Variants in GNAQ observed in about 807,000 individuals in gnomAD.
GNAQ encodes the protein G protein subunit alpha q, also known as guanine nucleotide-binding protein G(q) subunit alpha.
Under a neutral mutation model 43.9 loss-of-function variants are expected in GNAQ, and 8 were observed. The observed-to-expected ratio is 0.18, with a 90% confidence interval of 0.11 to 0.33. The LOEUF (loss-of-function observed/expected upper bound fraction) is 0.33, where lower values mean the gene tolerates loss of function less well. Among genes scored for constraint, GNAQ ranks in the 10% least tolerant of loss-of-function variants. The probability of loss-of-function intolerance (pLI) is 1.00; values close to 1 mark genes in which losing one functional copy is unlikely to be tolerated. For synonymous variants in GNAQ, 155 were observed against 170.7 expected (o/e 0.91, Z 0.71); for missense variants, 158 against 450.8 (o/e 0.35, Z 5.88).
intron 1 of GNAQ, among the ~76,000 whole-genome samples, chr9:77,958,296 T>C (rs1823066648): frequency 6.6e-6 from 1 of 152,132 alleles, no homozygotes; most frequent in Non-Finnish European, 1.5e-5. Flanking sequence ...TGATCAGTTA[T>C]GGGCTGTGTC....
At chr9:77,857,416 T>C (rs779133017) in intron 2 of GNAQ, among the ~76,000 whole-genome samples, 6 of 151,794 alleles carry the variant, frequency 4.0e-5, no homozygotes, top group Non-Finnish European at 5.9e-5. Context: ...CCAGATCATA[T>C]GTAGTACACA....
intron 5 of GNAQ, among the ~76,000 whole-genome samples, chr9:77,785,678 TGTCA>T (rs1420371155): frequency 3.3e-5 from 5 of 152,224 alleles, no homozygotes; most frequent in South Asian, 2.1e-4. Flanking sequence ...ATAACAATAC[TGTCA>T]GTATCTGACA....
At chr9:77,929,442 T>C (rs981703576) in intron 1 of GNAQ, among the ~76,000 whole-genome samples, 86 of 152,244 alleles carry the variant, frequency 5.6e-4, no homozygotes, top group Non-Finnish European at 1.5e-4. Context: ...ATATTTGTTA[T>C]AGAAAATTAT....
At chr9:77,942,617 G>T (rs1173623323) in intron 1 of GNAQ, among the ~76,000 whole-genome samples, 1 of 152,094 alleles carries the variant, frequency 6.6e-6, no homozygotes, top group Non-Finnish European at 1.5e-5. Flanking sequence ...TCACCAAAAA[G>T]TAGAAAATCA....
intron 5 of GNAQ, among the ~76,000 whole-genome samples, chr9:77,768,552 C>G (rs1288907868): frequency 1.3e-5 from 2 of 152,182 alleles, no homozygotes; most frequent in East Asian, 1.9e-4. Flanking sequence ...ACAAGATGCA[C>G]TACCATCTTG....
At chr9:77,839,051 T>C (rs941016021) in intron 2 of GNAQ, among the ~76,000 whole-genome samples, 1 of 152,060 alleles carries the variant, frequency 6.6e-6, no homozygotes, top group African/African-American at 2.4e-5. Context: ...ACTGGCTGGG[T>C]TGGGAACTGC....
intron 2 of GNAQ, among the ~76,000 whole-genome samples, chr9:77,909,075 T>C (rs1265737308): frequency 6.6e-6 from 1 of 151,988 alleles, no homozygotes; most frequent in East Asian, 1.9e-4. Flanking sequence ...AAAAAGAGAG[T>C]GCTGTAGAGA....
chr9:77,795,044 G>C (rs1826635668), intron 4 of GNAQ, among the ~76,000 whole-genome samples: 1 of 152,078 alleles, frequency 6.6e-6, no homozygotes, highest in African/African-American at 2.4e-5. Context: ...TAAAATATGT[G>C]AGATGCTATA....
At chr9:77,903,080 A>C (rs1370570347) in intron 2 of GNAQ, among the ~76,000 whole-genome samples, 1 of 152,150 alleles carries the variant, frequency 6.6e-6, no homozygotes, top group African/African-American at 2.4e-5. Flanking sequence ...CTGGTATCTC[A>C]GCTAATCAGG....
Position 77,794,587 on chromosome 9 carries a change from A to G in GNAQ, c.611T>C (p.Val204Ala). ...CTCTGACCTTTGGCCCCCTACATCG[A>G]CCATTCTGCAAGGTTAACAATACTC... ...FDLQSVIFRM[V>A]DVGGQRSERR... The change falls in exon 5 of 7, where the codon GTC becomes GCC. Residue 204 changes from valine to alanine, a missense_variant. Val to Ala is a moderately conservative substitution (Grantham distance 64). This residue lies in a region of GNAQ where 4 missense variants were observed against 60.8 expected (regional missense o/e 0.07). Transcript: ENST00000286548. 1 of 1,600,742 alleles carries G rather than the reference A, an allele frequency of 6.2e-7. No individual in the cohort carries two copies. Among genetic ancestry groups the G allele is most frequent in the Non-Finnish European group, 8.5e-7 (1 of 1,169,704 alleles).
chr9:77,866,160 A>T (rs1827943347), intron 2 of GNAQ, among the ~76,000 whole-genome samples: 1 of 152,210 alleles, frequency 6.6e-6, no homozygotes, highest in Admixed American at 6.5e-5. Context: ...CTGGTAGAAT[A>T]AAGTTGGGCA....
intron 1 of GNAQ, among the ~76,000 whole-genome samples, chr9:78,028,141 T>C (rs1824004962): frequency 6.6e-6 from 1 of 152,210 alleles, no homozygotes; most frequent in South Asian, 2.1e-4. Context: ...AAATGAAGTA[T>C]GCTCTTGTAT....
intron 5 of GNAQ, among the ~76,000 whole-genome samples, chr9:77,765,959 T>A (rs144997138): frequency 1.3e-5 from 2 of 152,252 alleles, no homozygotes; most frequent in African/African-American, 2.4e-5. Context: ...GATGACATTA[T>A]GCTAAGTAAA....
intron 2 of GNAQ, among the ~76,000 whole-genome samples, chr9:77,816,216 A>G (rs142363265): frequency 3.9e-5 from 6 of 152,310 alleles, no homozygotes; most frequent in African/African-American, 1.2e-4. Context: ...CAGAAACTCA[A>G]TCAGAATCCT....
intron 2 of GNAQ, among the ~76,000 whole-genome samples, chr9:77,906,568 C>T (rs558861981): frequency 2.2e-4 from 33 of 152,116 alleles, no homozygotes; most frequent in Non-Finnish European, 3.8e-4. Flanking sequence ...GATATATACT[C>T]GATTAAAAAA....
chr9:77,992,848 GGAA>G (rs1184345161), intron 1 of GNAQ, among the ~76,000 whole-genome samples: 1 of 152,124 alleles, frequency 6.6e-6, no homozygotes, highest in Non-Finnish European at 1.5e-5. Context: ...GGGAGGCTGA[GGAA>G]GAAGAATTGC....
Position 77,794,490 on chromosome 9 carries a change from A to C in GNAQ, c.708T>G (p.Asp236Glu), listed in dbSNP as rs1299114921. The change falls in exon 5 of 7, where the codon GAT (aspartate) becomes GAG (glutamate). Residue 236 changes from aspartate to glutamate, a missense_variant. Asp to Glu is a conservative substitution (Grantham distance 45, BLOSUM62 2). Around this residue, in one of 9 missense-constraint regions of GNAQ, gnomAD observed 56 missense variants for 172.2 expected, o/e 0.33. Transcript: ENST00000286548. ...CATTGTCTGACTCCACGAGAACTTG[A>C]TCATATTCACTAAGCGCTACTAGAA... is the stretch of plus-strand genomic sequence containing the variant. ...IMFLVALSEY[D>E]QVLVESDNEN... is the part of the protein sequence containing the mutation. The C allele has an allele frequency of 1.2e-6, 2 of 1,602,840 alleles. No homozygotes were observed. Among genetic ancestry groups the C allele is most frequent in the Non-Finnish European group, 1.7e-6 (2 of 1,171,584 alleles).
intron 1 of GNAQ, among the ~76,000 whole-genome samples, chr9:77,948,739 C>T (rs147938453): frequency 1.3e-5 from 2 of 152,284 alleles, no homozygotes; most frequent in East Asian, 1.9e-4. Context: ...TGGGAAGCCT[C>T]CCTAGCATTG....
intron 1 of GNAQ, among the ~76,000 whole-genome samples, chr9:77,967,374 C>T (rs562628812): frequency 6.6e-6 from 1 of 152,258 alleles, no homozygotes; most frequent in African/African-American, 2.4e-5. Context: ...AGCCCCTCTT[C>T]ATCAATATTT....
Sources: allele counts gnomAD v4.1 joint callset (sites outside exome capture counted in the v4.1 genomes callset), GRCh38; gene constraint gnomAD v4.1.1; regional missense constraint gnomAD v4.1.1; transcripts MANE v1.5; gene names NCBI Gene and HGNC (gene_info 2026-07-23, HGNC 2026-07-21).